The following DMD variants were observed in gnomAD, a reference collection of about 807,000 sequenced individuals.
DMD encodes dystrophin.
DMD carries 63 observed loss-of-function variants against 330.1 expected under a neutral mutation model. The observed-to-expected ratio is 0.19, with a 90% CI of 0.16 to 0.24. The LOEUF (loss-of-function observed/expected upper bound fraction) is 0.24. Ranked by LOEUF, DMD falls within the 10% of genes least tolerant of loss-of-function variation. The pLI is 1.00. For missense variants in DMD, 3,344 were observed against 2,684.1 expected, an observed-to-expected ratio of 1.25 and a Z score of -5.43; for synonymous variants, 1,223 against 959.8, an observed-to-expected ratio of 1.27 and a Z score of -5.07.
At chrX:33,200,021 A>G (rs1486829321) in intron 1 of DMD, among the ~76,000 whole-genome samples, 1 of 111,815 alleles carries the variant, frequency 8.9e-6, no homozygotes. Flanking sequence ...TATCTTGTCC[A>G]ACTGATGCAT....
At chrX:31,293,163 G>GGT (rs762778210) in intron 62 of DMD, among the ~76,000 whole-genome samples, 2,649 of 70,498 alleles carry the variant, frequency 0.038, 79 homozygotes, top group Admixed American at 0.055. Context: ...CCCCCAACCC[G>GGT]GTGTGTGTGT....
Position 31,968,474 on chromosome X carries a change from C to T in DMD, c.6479G>A (p.Arg2160Lys), listed in dbSNP as rs761755268. The change falls in exon 45 of 79, where the codon AGA (arginine) becomes AAA (lysine). Residue 2160 changes from arginine (R) to lysine (K), a missense_variant. Coordinates refer to ENST00000357033, the MANE Select transcript of DMD (RefSeq NM_004006.3). The part of the protein sequence containing the change: ...DGIGQRQTVV[R>K]TLNATGEEII... Reference sequence around the variant, plus strand: ...TTCTTCCCCAGTTGCATTCAATGTTCTGACAACAGTTTGCCGCTGCCCAAT... The same window carrying T: ...TTCTTCCCCAGTTGCATTCAATGTTTTGACAACAGTTTGCCGCTGCCCAAT... 8.3e-7 allele frequency: 1 copy of T among 1,210,707 alleles called. No homozygotes were observed. Among genetic ancestry groups the T allele is most frequent in the South Asian group, 1.8e-5 (1 of 57,002 alleles).
chrX:33,179,731 T>C (rs1603392459), intron 1 of DMD, among the ~76,000 whole-genome samples: 1 of 109,603 alleles, frequency 9.1e-6, no homozygotes, highest in Non-Finnish European at 1.9e-5. Context: ...TGAATGAAAG[T>C]TCATTGATAA....
intron 2 of DMD, among the ~76,000 whole-genome samples, chrX:33,008,823 TATAC>T (rs2093459630): frequency 6.0e-5 from 2 of 33,423 alleles, no homozygotes; most frequent in Admixed American, 2.4e-4. Context: ...CACATAAATG[TATAC>T]GTATATATAT....
At chrX:31,158,546 T>C (rs1416288924) in intron 74 of DMD, among the ~76,000 whole-genome samples, 2 of 111,440 alleles carry the variant, frequency 1.8e-5, no homozygotes, top group African/African-American at 6.5e-5. Context: ...CGCTGATGGT[T>C]GCACAACTCT....
intron 1 of DMD, among the ~76,000 whole-genome samples, chrX:33,225,591 T>C (rs956343650): frequency 8.9e-6 from 1 of 111,855 alleles, no homozygotes; most frequent in Non-Finnish European, 1.9e-5. Context: ...TGAATTTAAA[T>C]GTGAAACACA....
At chrX:32,211,989 C>T (rs1311630717) in intron 44 of DMD, among the ~76,000 whole-genome samples, 2 of 111,988 alleles carry the variant, frequency 1.8e-5, no homozygotes, top group Non-Finnish European at 3.8e-5. Flanking sequence ...AATGTTAGGG[C>T]ATTTTATAAT....
chrX:33,232,994 A>G, intron 1 of DMD, among the ~76,000 whole-genome samples: 1 of 111,551 alleles, frequency 9.0e-6, no homozygotes, highest in East Asian at 2.8e-4. Context: ...GGTAGGAGGA[A>G]GAAGCTTTAG....
At chrX:32,673,463 T>A (rs1306767676) in intron 9 of DMD, among the ~76,000 whole-genome samples, 1 of 111,677 alleles carries the variant, frequency 9.0e-6, no homozygotes. Flanking sequence ...TAGCTTTGTC[T>A]GAAGAAGCCC....
At position 31,164,661 on chromosome X, in the gene DMD, T is replaced by TC. The variant is rs1236161080; in HGVS notation, c.10553+4781dup. On this transcript the variant is annotated intron_variant, in intron 74 of 78. Coordinates refer to ENST00000357033, the MANE Select transcript of DMD (RefSeq NM_004006.3). ...TCTCTTTCCTGGGCTCCCATGTGAC[T>TC]CCCCCCAGCTTGATTTCCTCGTTCC... 2.7e-5 allele frequency among the ~76,000 whole-genome samples: 3 copies of TC among 110,767 alleles called. 1 individual carries two copies. The highest frequency in any genetic ancestry group is 5.7e-5 in the Non-Finnish European group (3 of 52,900).
chrX:31,617,522 G>A (rs759537575), intron 55 of DMD, among the ~76,000 whole-genome samples: 6 of 78,810 alleles, frequency 7.6e-5, no homozygotes, highest in African/African-American at 3.0e-4. Flanking sequence ...GGACAAGAGC[G>A]AGACTTCGTC....
intron 9 of DMD, among the ~76,000 whole-genome samples, chrX:32,676,438 C>A (rs1418185515): frequency 1.8e-5 from 2 of 111,301 alleles, no homozygotes; most frequent in Non-Finnish European, 3.8e-5. Flanking sequence ...TTTTGCCTGG[C>A]TTTCCAAGTC....
At chrX:32,312,617 T>C (rs1419691609) in intron 41 of DMD, among the ~76,000 whole-genome samples, 1 of 109,373 alleles carries the variant, frequency 9.1e-6, no homozygotes, top group Non-Finnish European at 1.9e-5. Context: ...AAAAATGAGA[T>C]TTGCCAATGA....
chrX:32,151,611 T>C (rs1325475088), intron 44 of DMD, among the ~76,000 whole-genome samples: 12 of 111,897 alleles, frequency 1.1e-4, no homozygotes, highest in Non-Finnish European at 1.9e-4. Context: ...ACTGGAGTCC[T>C]CTCCACTGTC....
intron 11 of DMD, 55 bp from the exon 12 acceptor site, chrX:32,614,508 A>C: frequency 2.0e-6 from 2 of 984,038 alleles, no homozygotes; most frequent in African/African-American, 1.9e-5. Flanking sequence ...TTATTACTGA[A>C]CATCACAATG....
At chrX:31,376,698 G>A (rs1476089509) in intron 60 of DMD, among the ~76,000 whole-genome samples, 1 of 112,165 alleles carries the variant, frequency 8.9e-6, no homozygotes, top group Non-Finnish European at 1.9e-5. Flanking sequence ...AGTTGGAGGT[G>A]CCACTGCAAA....
intron 44 of DMD, among the ~76,000 whole-genome samples, chrX:32,129,730 A>G (rs987917667): frequency 1.2e-4 from 11 of 93,207 alleles, no homozygotes; most frequent in African/African-American, 4.4e-4. Flanking sequence ...AGAGGGAGGG[A>G]GAGAGAGAGA....
intron 44 of DMD, chrX:32,155,524 G>GC (rs2096826203): frequency 1.7e-6 from 1 of 589,912 alleles, no homozygotes; most frequent in Admixed American, 8.9e-5. Flanking sequence ...TTTGTGTGTA[G>GC]CAAAGGCTCT....
At chrX:32,641,408 G>GTATATATATATATATATA (rs72324944) in intron 11 of DMD, 1 of 90,509 alleles carries the variant, frequency 1.1e-5, no homozygotes, top group Non-Finnish European at 2.3e-5. Context: ...TATTTTATAC[G>GTATATATATATATATATA]TATATATATA....
Sources: allele counts gnomAD v4.1 joint callset (sites outside exome capture counted in the v4.1 genomes callset), GRCh38; gene constraint gnomAD v4.1.1; transcripts MANE v1.5; gene names NCBI Gene and HGNC (gene_info 2026-07-23, HGNC 2026-07-21).